TSPAN12: variants seen among roughly 807,000 people sequenced by gnomAD.
The protein encoded by TSPAN12 is tetraspanin-12.
In TSPAN12, 19 loss-of-function variants were observed where a neutral mutation model predicts 39.2. The observed-to-expected ratio is 0.49, with a 90% CI of 0.34 to 0.71. The LOEUF is 0.71. TSPAN12 is among the 30% of genes least tolerant of loss of function. The pLI is 0.01. For missense variants in TSPAN12, 314 were observed against 359.9 expected, an observed-to-expected ratio of 0.87 and a Z score of 1.03; for synonymous variants, 119 against 124.8, an observed-to-expected ratio of 0.95 and a Z score of 0.31.
intron 4 of TSPAN12, among the ~76,000 whole-genome samples, chr7:120,826,453 T>G (rs1794288423): frequency 6.6e-6 from 1 of 152,156 alleles, no homozygotes; most frequent in Non-Finnish European, 1.5e-5. Flanking sequence ...CTCAAAAGAT[T>G]TACAGGCTGT....
Position 120,816,137 on chromosome 7 carries a change from A to G in TSPAN12, c.286-334T>C, listed in dbSNP as rs141444702. 9.8e-4 allele frequency among the ~76,000 whole-genome samples: 150 copies of G among 152,300 alleles called. 1 individual carries two copies. The East Asian group carries it at 0.026, about 26-fold the overall frequency. The stretch of plus-strand genomic sequence containing the variant: ...AAGAAAGGGGACCTAATTCCTTTCA[A>G]AGTGGACGAGGTGAAGTCAACAAGT... On this transcript the variant is annotated intron_variant, in intron 4 of 7. Coordinates refer to ENST00000222747, the MANE Select transcript of TSPAN12 (RefSeq NM_012338.4).
intron 2 of TSPAN12, among the ~76,000 whole-genome samples, chr7:120,853,966 G>C (rs775152624): frequency 5.3e-5 from 8 of 151,586 alleles, no homozygotes; most frequent in Non-Finnish European, 7.4e-5. Flanking sequence ...TAACATAAAT[G>C]AAATTAACAC....
chr7:120,844,552 G>C (rs1015163332), intron 2 of TSPAN12, among the ~76,000 whole-genome samples: 2 of 152,176 alleles, frequency 1.3e-5, no homozygotes, highest in Non-Finnish European at 2.9e-5. Context: ...AAACAAAGGG[G>C]CTACAGGCCC....
At chr7:120,798,992 G>T (rs1173198666) in intron 7 of TSPAN12, among the ~76,000 whole-genome samples, 2 of 151,788 alleles carry the variant, frequency 1.3e-5, no homozygotes, top group Admixed American at 6.6e-5. Flanking sequence ...CCTTTTTTTG[G>T]TGCCCCACTT....
At chr7:120,831,583 A>T (rs1356811600) in intron 4 of TSPAN12, among the ~76,000 whole-genome samples, 1 of 152,062 alleles carries the variant, frequency 6.6e-6, no homozygotes, top group African/African-American at 2.4e-5. Context: ...TATATGTGGA[A>T]CCTAAAAAGT....
At chr7:120,808,881 G>A (rs1340838255) in intron 6 of TSPAN12, among the ~76,000 whole-genome samples, 1 of 151,884 alleles carries the variant, frequency 6.6e-6, no homozygotes, top group Admixed American at 6.6e-5. Context: ...TTTGGAGATA[G>A]AGTTTATAGA....
intron 5 of TSPAN12, 110 bp downstream of exon 5, chr7:120,815,619 C>G: frequency 2.0e-6 from 2 of 983,448 alleles, no homozygotes; most frequent in Non-Finnish European, 3.1e-6. Flanking sequence ...ACAAATTACC[C>G]AGTCTTGGGC....
chr7:120,793,298 G>A (rs1376598520), intron 7 of TSPAN12, among the ~76,000 whole-genome samples: 1 of 152,186 alleles, frequency 6.6e-6, no homozygotes, highest in Non-Finnish European at 1.5e-5. Flanking sequence ...CAAGGTTATT[G>A]AAAATGACTT....
chr7:120,831,814 T>A (rs1407223051), intron 4 of TSPAN12, among the ~76,000 whole-genome samples: 1 of 151,998 alleles, frequency 6.6e-6, no homozygotes, highest in African/African-American at 2.4e-5. Context: ...ATAGTAAACT[T>A]TAAATGTTCT....
chr7:120,821,930 G>A (rs1303683117), intron 4 of TSPAN12, among the ~76,000 whole-genome samples: 1 of 151,928 alleles, frequency 6.6e-6, no homozygotes, highest in African/African-American at 2.4e-5. Flanking sequence ...CAGTGAGACT[G>A]TTTTTGGTAT....
At chr7:120,834,580 C>T (rs1334294306) in intron 4 of TSPAN12, among the ~76,000 whole-genome samples, 2 of 152,092 alleles carry the variant, frequency 1.3e-5, no homozygotes, top group South Asian at 4.1e-4. Flanking sequence ...CAGTTGCCAG[C>T]TCTTTTTTAT....
At chr7:120,806,423 G>T in intron 7 of TSPAN12, 126 bp downstream of exon 7, 1 of 962,372 alleles carries the variant, frequency 1.0e-6, no homozygotes, top group Non-Finnish European at 1.6e-6. Flanking sequence ...CCCCATATTA[G>T]AGAAAAATTT....
At chr7:120,834,928 C>T (rs908100047) in intron 4 of TSPAN12, among the ~76,000 whole-genome samples, 1 of 152,198 alleles carries the variant, frequency 6.6e-6, no homozygotes, top group African/African-American at 2.4e-5. Flanking sequence ...TGAGCCATTC[C>T]CCTTGTAATC....
chr7:120,818,450 G>A (rs1409312552), intron 4 of TSPAN12, among the ~76,000 whole-genome samples: 3 of 152,006 alleles, frequency 2.0e-5, no homozygotes, highest in African/African-American at 7.2e-5. Context: ...GACTGAATTA[G>A]GATTGTGAGC....
intron 4 of TSPAN12, among the ~76,000 whole-genome samples, chr7:120,831,407 T>C (rs971943730): frequency 1.3e-5 from 2 of 151,950 alleles, no homozygotes; most frequent in African/African-American, 4.8e-5. Context: ...TGTCCATCAA[T>C]AGATGAATGG....
Position 120,850,874 on chromosome 7 carries a change from G to A in TSPAN12, c.66+5824C>T, listed in dbSNP as rs889304330. ...CCAGCTTATTTTTGTATTTTTAGTAGAGACAGGGTTTCGCCATTTTGGTCA... is the reference window on the plus strand; with the variant it reads ...CCAGCTTATTTTTGTATTTTTAGTAAAGACAGGGTTTCGCCATTTTGGTCA... On this transcript the variant is annotated intron_variant, in intron 2 of 7. Transcript: ENST00000222747. Among the ~76,000 whole-genome samples the A allele has an allele frequency of 4.6e-5, 7 of 152,064 alleles. No individual in the cohort carries two copies. In the East Asian group the frequency reaches 1.4e-3, roughly 29 times the overall value.
At chr7:120,821,244 A>T (rs1185462311) in intron 4 of TSPAN12, among the ~76,000 whole-genome samples, 4 of 152,092 alleles carry the variant, frequency 2.6e-5, no homozygotes, top group Non-Finnish European at 5.9e-5. Flanking sequence ...ATGAAAAAAA[A>T]TTGCATCTAA....
intron 7 of TSPAN12, among the ~76,000 whole-genome samples, chr7:120,791,532 C>T (rs915584028): frequency 6.6e-6 from 1 of 152,140 alleles, no homozygotes; most frequent in Non-Finnish European, 1.5e-5. Context: ...TTGATTTTTA[C>T]CCTTTCAATA....
chr7:120,855,511 C>T (rs778454414), intron 2 of TSPAN12, among the ~76,000 whole-genome samples: 1 of 152,142 alleles, frequency 6.6e-6, no homozygotes, highest in African/African-American at 2.4e-5. Context: ...TAATGATTCA[C>T]TTAAAAATCA....
Sources: gnomAD v4.1 joint callset for allele counts (sites outside exome capture counted in the v4.1 genomes callset) on GRCh38, gnomAD v4.1.1 for gene constraint, MANE v1.5 for transcripts, NCBI Gene and HGNC (gene_info 2026-07-23, HGNC 2026-07-21) for gene names.